The following CAMSAP1 variants were observed in gnomAD, a reference collection of about 807,000 sequenced individuals.
CAMSAP1 encodes the protein calmodulin-regulated spectrin-associated protein 1.
CAMSAP1 carries 58 observed loss-of-function variants against 143.5 expected under a neutral mutation model. The observed-to-expected ratio is 0.40, with a 90% CI of 0.33 to 0.50. The LOEUF (loss-of-function observed/expected upper bound fraction) is 0.50, where lower values mean the gene tolerates loss of function less well. Among genes scored for constraint, CAMSAP1 ranks in the 20% least tolerant of loss-of-function variants. The pLI is 0.45. For missense variants in CAMSAP1, 1,969 were observed against 2,115.7 expected, an observed-to-expected ratio of 0.93 and a Z score of 1.36; for synonymous variants, 945 against 859.3, an observed-to-expected ratio of 1.10 and a Z score of -1.74.
chr9:135,906,706 C>CCCG (rs577000127), intron 1 of CAMSAP1, among the ~76,000 whole-genome samples: 1,877 of 151,932 alleles, frequency 0.012, 38 homozygotes, highest in Non-Finnish European at 0.012. Context: ...GCAGCTCCTT[C>CCCG]CCGCCGCCGC....
At position 135,820,561 on chromosome 9, in the gene CAMSAP1, T is replaced by C. The variant is rs933732701; in HGVS notation, c.3822+278A>G. 3.3e-5 allele frequency among the ~76,000 whole-genome samples: 5 copies of C among 149,284 alleles called. No homozygotes were observed. Among genetic ancestry groups the C allele is most frequent in the African/African-American group, 1.2e-4 (5 of 40,330 alleles). On this transcript the variant is annotated intron_variant, in intron 11 of 16. Coordinates refer to ENST00000389532, the MANE Select transcript of CAMSAP1 (RefSeq NM_015447.4). This position sits in a 1 kb window ranked among gnomAD's most constrained non-coding sequence, Gnocchi z 4.4. ...GGAAAACCAGCAAAAAAAAAAAAAC[T>C]ATGTTGAAAATCACATGAAATTCCA...
At chr9:135,886,064 A>G (rs552326875) in intron 1 of CAMSAP1, among the ~76,000 whole-genome samples, 2 of 151,656 alleles carry the variant, frequency 1.3e-5, no homozygotes, top group Admixed American at 1.3e-4. Context: ...ACCTACTTAA[A>G]AAAAAAAAAA....
intron 7 of CAMSAP1, among the ~76,000 whole-genome samples, chr9:135,828,502 G>T (rs1275869494): frequency 1.1e-4 from 17 of 152,220 alleles, no homozygotes; most frequent in Admixed American, 1.0e-3. Context: ...GAAATGAATG[G>T]CTGCCGGAGA....
intron 7 of CAMSAP1, among the ~76,000 whole-genome samples, chr9:135,830,313 C>T (rs1021981150): frequency 6.6e-6 from 1 of 152,182 alleles, no homozygotes; most frequent in Non-Finnish European, 1.5e-5. Context: ...ATACTGCCTA[C>T]AGGAAACCCA....
At chr9:135,901,883 C>T (rs1400332877) in intron 1 of CAMSAP1, among the ~76,000 whole-genome samples, 1 of 152,164 alleles carries the variant, frequency 6.6e-6, no homozygotes, top group Non-Finnish European at 1.5e-5. Flanking sequence ...GTCCACAAAT[C>T]CTCCGCCTCA....
In CAMSAP1 at chr9:135,818,580, C is replaced by G; in HGVS notation, c.3996G>C (p.Glu1332Asp). 6.2e-7 allele frequency: 1 copy of G among 1,613,424 alleles called. No individual in the cohort carries two copies. Among genetic ancestry groups the G allele is most frequent in the Non-Finnish European group, 8.5e-7 (1 of 1,179,826 alleles). The change falls in exon 13 of 17, where the codon GAG becomes GAC. Residue 1332 changes from glutamate (E) to aspartate (D), a missense_variant. By Grantham distance (45) the Glu-to-Asp change is conservative. This residue lies in a region of CAMSAP1 where 1,390 missense variants were observed against 1,420.8 expected (regional missense o/e 0.98). Transcript: ENST00000389532. This position sits in a 1 kb window ranked among gnomAD's most constrained non-coding sequence, Gnocchi z 7.7. Reference sequence around the variant, plus strand: ...TGATGAGCTCGCGCCGCGCCTTCTCCTCCTCCTTCCGCACCCGGTCTTCCT... The same window carrying G: ...TGATGAGCTCGCGCCGCGCCTTCTCGTCCTCCTTCCGCACCCGGTCTTCCT... ...KAEEDRVRKE[E>D]EKARRELIKQ...
intron 1 of CAMSAP1, among the ~76,000 whole-genome samples, chr9:135,885,530 A>C (rs1264772340): frequency 6.6e-6 from 1 of 152,204 alleles, no homozygotes; most frequent in Admixed American, 6.5e-5. Flanking sequence ...AGATGGAAGC[A>C]GGGTGAGCCC....
chr9:135,869,093 T>C (rs575414050), intron 3 of CAMSAP1, among the ~76,000 whole-genome samples: 20 of 152,242 alleles, frequency 1.3e-4, no homozygotes, highest in African/African-American at 3.9e-4. Flanking sequence ...GGTTACTATA[T>C]AGTAATAACA....
In CAMSAP1 at chr9:135,811,526, G is replaced by C; in HGVS notation, c.4592C>G (p.Pro1531Arg). The change falls in exon 17 of 17, where the codon CCT (proline) becomes CGT (arginine). Residue 1531 changes from proline (P) to arginine (R), a missense_variant. Physicochemically the swap from Pro to Arg is moderately radical, Grantham distance 103 (BLOSUM62 -2). Transcript: ENST00000389532. The surrounding 1 kb of genome is among the most constrained non-coding windows in gnomAD (Gnocchi z 4.9). ...GAGTTTGTAGATTTCCTCAGTATCAGGATAGTAGCAGTAAAGCGCCCTGAA... is the reference window on the plus strand; with the variant it reads ...GAGTTTGTAGATTTCCTCAGTATCACGATAGTAGCAGTAAAGCGCCCTGAA... ...CQFRALYCYYPDTEEIYKLTG... is the reference protein window; with the variant it reads ...CQFRALYCYYRDTEEIYKLTG... 5 of 1,608,134 alleles carry C rather than the reference G, an allele frequency of 3.1e-6. No homozygotes were observed. Among genetic ancestry groups the C allele is most frequent in the Non-Finnish European group, 4.2e-6 (5 of 1,176,998 alleles).
intron 3 of CAMSAP1, among the ~76,000 whole-genome samples, chr9:135,867,594 C>A (rs983490442): frequency 1.3e-5 from 2 of 151,732 alleles, no homozygotes; most frequent in African/African-American, 4.8e-5. Flanking sequence ...TAAAAAAGCA[C>A]CACGTAAAAA....
chr9:135,821,527 T>G lies in CAMSAP1; in HGVS notation c.3134A>C (p.Gln1045Pro). Residue 1045 changes from glutamine to proline, a missense_variant, in exon 11 of 17, where the codon CAA (glutamine) becomes CCA (proline). Coordinates refer to ENST00000389532, the MANE Select transcript of CAMSAP1 (RefSeq NM_015447.4). The surrounding 1 kb of genome is among the most constrained non-coding windows in gnomAD (Gnocchi z 4.6). Reference protein sequence around the residue: ...QQAILKISQQQEQLLMKSPTV... With the variant: ...QQAILKISQQPEQLLMKSPTV... ...GGGGGACTTCATCAGAAGCTGCTCT[T>G]GCTGCTGAGAGATTTTCAGGATGGC... 6.2e-7 allele frequency: 1 copy of G among 1,614,036 alleles called. No homozygotes were observed.
rs1564415660 is a variant in CAMSAP1, at chr9:135,817,818, G to A, written c.4271+159C>T. ...CTGGGGAGCCCGTGTGAAGGGCACT[G>A]GTATTCCTGATGACATGATTGCAAC... On this transcript the variant is annotated intron_variant, in intron 14 of 16. Coordinates refer to ENST00000389532, the MANE Select transcript of CAMSAP1 (RefSeq NM_015447.4). 4 of 649,096 alleles carry A rather than the reference G, an allele frequency of 6.2e-6. No homozygotes were observed. The East Asian group carries it at 1.1e-4, about 18-fold the overall frequency. The allele number at this position is 649,096 out of a possible 1,614,324, so 40.2% of individuals were successfully genotyped here.
intron 3 of CAMSAP1, among the ~76,000 whole-genome samples, chr9:135,867,469 A>ACCC (rs371398774): frequency 7.3e-5 from 9 of 123,604 alleles, no homozygotes; most frequent in African/African-American, 8.6e-5. Context: ...ACACAGCAAG[A>ACCC]CCCCCCTCTT....
In CAMSAP1 at chr9:135,822,797, T is replaced by G; in HGVS notation, c.1864A>C (p.Ser622Arg). The part of the protein sequence containing the change: ...EDERGEGRPR[S>R]IVSRRPSEGP... The stretch of plus-strand genomic sequence containing the variant: ...TCGCTGGGCCTCCTAGACACGATGC[T>G]CCTCGGTCTCCCTTCCCCCCGTTCA... Residue 622 changes from serine to arginine, a missense_variant, in exon 11 of 17, where the codon AGC becomes CGC. This residue lies in a region of CAMSAP1 where 1,390 missense variants were observed against 1,420.8 expected (regional missense o/e 0.98). Transcript: ENST00000389532. This position sits in a 1 kb window ranked among gnomAD's most constrained non-coding sequence, Gnocchi z 6.1. The G allele has an allele frequency of 1.2e-6, 2 of 1,613,976 alleles. No homozygotes were observed. The highest frequency in any genetic ancestry group is 1.7e-6 in the Non-Finnish European group (2 of 1,179,886).
chr9:135,856,191 A>G (rs1411288110), intron 5 of CAMSAP1, among the ~76,000 whole-genome samples: 1 of 152,226 alleles, frequency 6.6e-6, no homozygotes, highest in Non-Finnish European at 1.5e-5. Flanking sequence ...GCAATTTACA[A>G]AAGAAAGCAG....
chr9:135,836,734 C>A (rs1836063793), intron 7 of CAMSAP1: 1 of 984,666 alleles, frequency 1.0e-6, no homozygotes, highest in South Asian at 4.7e-5. Context: ...CACTTTCTAC[C>A]CATTCCACAG....
chr9:135,855,870 G>A (rs759092140), intron 5 of CAMSAP1, among the ~76,000 whole-genome samples: 17 of 151,946 alleles, frequency 1.1e-4, no homozygotes, highest in African/African-American at 3.1e-4. Flanking sequence ...GGCTAACACG[G>A]TGAAACCCTG....
At chr9:135,843,075 C>T (rs1054278188) in intron 7 of CAMSAP1, among the ~76,000 whole-genome samples, 1 of 152,142 alleles carries the variant, frequency 6.6e-6, no homozygotes, top group East Asian at 1.9e-4. Context: ...CACCTGTAAT[C>T]CCAGCACCTT....
chr9:135,861,374 G>A (rs1837187045), intron 5 of CAMSAP1, among the ~76,000 whole-genome samples: 1 of 148,748 alleles, frequency 6.7e-6, no homozygotes. Context: ...ATTCTCTGGT[G>A]CAATCTCGGC....
Sources: gnomAD v4.1 joint callset for allele counts (sites outside exome capture counted in the v4.1 genomes callset) on GRCh38, gnomAD v4.1.1 for gene constraint, gnomAD v4.1.1 regional missense constraint, Gnocchi (gnomAD v3.1) non-coding constraint, MANE v1.5 for transcripts, NCBI Gene and HGNC (gene_info 2026-07-23, HGNC 2026-07-21) for gene names.